The following IL1RAPL1 variants were observed in gnomAD, a reference collection of about 807,000 sequenced individuals.
IL1RAPL1 encodes interleukin 1 receptor accessory protein like 1.
A neutral mutation model predicts 48.4 loss-of-function variants in IL1RAPL1; 3 were observed. That is an observed-to-expected ratio of 0.06 (90% confidence interval 0.03 to 0.16). The LOEUF is 0.16. IL1RAPL1 is among the 10% of genes least tolerant of loss of function. IL1RAPL1 has a pLI of 1.00. For missense variants in IL1RAPL1, 349 were observed against 530.6 expected, an observed-to-expected ratio of 0.66 and a Z score of 3.36; for synonymous variants, 185 against 187.7, an observed-to-expected ratio of 0.99 and a Z score of 0.12.
chrX:29,068,243 A>G (rs1927490095), intron 2 of IL1RAPL1, among the ~76,000 whole-genome samples: 1 of 112,325 alleles, frequency 8.9e-6, no homozygotes, highest in South Asian at 3.6e-4. Context: ...TAGTACCTGA[A>G]GTGAGATGAA....
chrX:29,608,554 C>T (rs867643895), intron 5 of IL1RAPL1, among the ~76,000 whole-genome samples: 7 of 111,142 alleles, frequency 6.3e-5, no homozygotes, highest in South Asian at 7.6e-4. Flanking sequence ...AGGCCGGGCG[C>T]GGTGGCTTAT....
At chrX:29,924,276 T>G (rs1157161959) in intron 8 of IL1RAPL1, among the ~76,000 whole-genome samples, 2 of 112,294 alleles carry the variant, frequency 1.8e-5, no homozygotes, top group Non-Finnish European at 3.8e-5. Context: ...CCATTAAAAA[T>G]TCCCTGAATT....
rs368784613 is a variant in IL1RAPL1 at position 29,768,400 on chromosome X, A to C, written c.778+99896A>C. Among the ~76,000 whole-genome samples the C allele has an allele frequency of 6.3e-5, 7 of 111,861 alleles. No individual in the cohort carries two copies. The East Asian group carries it at 2.0e-3, about 32-fold the overall frequency. ...ACAGCTCAGGGCTGTGTATTAACCC[A>C]GTGCCCTCTCCTTTCTAGCTATGCA... On this transcript the variant is annotated intron_variant, in intron 6 of 10. Coordinates refer to ENST00000378993, the MANE Select transcript of IL1RAPL1 (RefSeq NM_014271.4).
chrX:29,382,458 G>A (rs1456002875), intron 3 of IL1RAPL1, among the ~76,000 whole-genome samples: 1 of 111,675 alleles, frequency 9.0e-6, no homozygotes, highest in Non-Finnish European at 1.9e-5. Flanking sequence ...AAAGCCTCCA[G>A]TGTAATTATT....
intron 1 of IL1RAPL1, among the ~76,000 whole-genome samples, chrX:28,613,524 G>A (rs181805446): frequency 1.8e-5 from 2 of 112,925 alleles, no homozygotes; most frequent in East Asian, 5.6e-4. Flanking sequence ...TTGGATAAAG[G>A]TAGTCCTTGG....
At chrX:29,060,315 C>T (rs762008048) in intron 2 of IL1RAPL1, among the ~76,000 whole-genome samples, 7 of 111,705 alleles carry the variant, frequency 6.3e-5, no homozygotes, top group Non-Finnish European at 1.3e-4. Flanking sequence ...GATTCTTACA[C>T]TTTTTAGCCC....
chrX:28,931,984 G>A (rs913072777), intron 2 of IL1RAPL1, among the ~76,000 whole-genome samples: 12 of 108,824 alleles, frequency 1.1e-4, no homozygotes, highest in Non-Finnish European at 2.3e-4. Context: ...AGAGCTTGCA[G>A]TGAGCCAAGA....
chrX:28,609,408 C>G (rs994077902), intron 1 of IL1RAPL1, among the ~76,000 whole-genome samples: 2 of 110,968 alleles, frequency 1.8e-5, no homozygotes, highest in Non-Finnish European at 3.8e-5. Flanking sequence ...CTACTGTTAC[C>G]TATGTAAAAT....
At chrX:29,352,047 A>C (rs1353860043) in intron 3 of IL1RAPL1, among the ~76,000 whole-genome samples, 2 of 112,113 alleles carry the variant, frequency 1.8e-5, no homozygotes, top group African/African-American at 6.5e-5. Flanking sequence ...TGGAAGTTCA[A>C]ATAATTTTGT....
chrX:29,613,753 GTGTGTT>G (rs1488832163), intron 5 of IL1RAPL1, among the ~76,000 whole-genome samples: 1 of 89,250 alleles, frequency 1.1e-5, no homozygotes, highest in African/African-American at 5.1e-5. Flanking sequence ...GTGTGTGTGT[GTGTGTT>G]TCTTTTTTTT....
intron 2 of IL1RAPL1, among the ~76,000 whole-genome samples, chrX:28,836,388 C>G (rs5943560): frequency 0.034 from 3,151 of 93,899 alleles, 64 homozygotes; most frequent in Non-Finnish European, 0.052. Context: ...GAGAGAGAGA[C>G]AGACAGACAG....
At chrX:28,959,458 T>A (rs78337948) in intron 2 of IL1RAPL1, among the ~76,000 whole-genome samples, 1 of 111,621 alleles carries the variant, frequency 9.0e-6, no homozygotes, top group Non-Finnish European at 1.9e-5. Flanking sequence ...TATAAGAGAG[T>A]GTTTGTTTCA....
At position 29,453,081 on chromosome X, in the gene IL1RAPL1, T is replaced by C. The variant is rs753305335; in HGVS notation, c.703+53773T>C. ...CTGGGATTACAGGCGCCCGCCACCATGCCTGGCTAATTTTTGTATTTTTAG... is the reference window on the plus strand; with the variant it reads ...CTGGGATTACAGGCGCCCGCCACCACGCCTGGCTAATTTTTGTATTTTTAG... On this transcript the variant is annotated intron_variant, in intron 5 of 10. Transcript: ENST00000378993. 6.4e-5 allele frequency among the ~76,000 whole-genome samples: 7 copies of C among 108,688 alleles called. No individual in the cohort carries two copies. In the South Asian group the frequency reaches 2.9e-3, roughly 45 times the overall value. The allele number at this position is 108,688 out of a possible 115,157, so 94.4% of individuals were successfully genotyped here.
At chrX:28,776,463 C>A (rs1160828364) in intron 1 of IL1RAPL1, among the ~76,000 whole-genome samples, 1 of 111,707 alleles carries the variant, frequency 9.0e-6, no homozygotes, top group Non-Finnish European at 1.9e-5. Context: ...TGACTATAGC[C>A]AATACCTAGT....
chrX:29,024,241 A>G (rs1251237514), intron 2 of IL1RAPL1, among the ~76,000 whole-genome samples: 2 of 111,806 alleles, frequency 1.8e-5, no homozygotes, highest in Non-Finnish European at 3.8e-5. Flanking sequence ...AAATCTTCTT[A>G]TATTTTACTT....
chrX:29,612,142 A>G (rs540082634), intron 5 of IL1RAPL1, among the ~76,000 whole-genome samples: 6 of 110,740 alleles, frequency 5.4e-5, no homozygotes, highest in African/African-American at 2.0e-4. Flanking sequence ...TTGCTAAAGA[A>G]CCACCCTCTT....
intron 1 of IL1RAPL1, among the ~76,000 whole-genome samples, chrX:28,675,930 A>G (rs1029430679): frequency 8.9e-6 from 1 of 112,144 alleles, no homozygotes; most frequent in Non-Finnish European, 1.9e-5. Flanking sequence ...GTAGGAGTTC[A>G]GTTGTTTGGG....
intron 5 of IL1RAPL1, among the ~76,000 whole-genome samples, chrX:29,622,210 A>G (rs1206446157): frequency 5.3e-5 from 6 of 112,542 alleles, no homozygotes; most frequent in Non-Finnish European, 9.4e-5. Context: ...GTGGTAATCA[A>G]TAGCATAGGC....
chrX:29,023,813 A>G (rs988076381), intron 2 of IL1RAPL1, among the ~76,000 whole-genome samples: 1 of 111,780 alleles, frequency 8.9e-6, no homozygotes, highest in African/African-American at 3.2e-5. Flanking sequence ...TTTTATATCC[A>G]CCAGATTACG....
Sources: gnomAD v4.1 joint callset for allele counts (sites outside exome capture counted in the v4.1 genomes callset) on GRCh38, gnomAD v4.1.1 for gene constraint, MANE v1.5 for transcripts, NCBI Gene and HGNC (gene_info 2026-07-23, HGNC 2026-07-21) for gene names.